Variants in SLCO3A1 observed in about 807,000 individuals in gnomAD.
SLCO3A1 encodes solute carrier organic anion transporter family member 3A1, also known as PGE1 transporter.
SLCO3A1 carries 27 observed loss-of-function variants against 63.1 expected under a neutral mutation model. That is an observed-to-expected ratio of 0.43 (90% CI 0.32 to 0.59). SLCO3A1 has a LOEUF of 0.59. SLCO3A1 is among the 20% of genes least tolerant of loss of function. SLCO3A1 has a pLI of 0.09. For synonymous variants in SLCO3A1, 473 were observed against 409.9 expected (o/e 1.15, Z -1.86); for missense variants, 773 against 945.8 (o/e 0.82, Z 2.40).
At chr15:92,126,337 A>G (rs2047923077) in intron 6 of SLCO3A1, 78 bp downstream of exon 6, 2 of 1,250,776 alleles carry the variant, frequency 1.6e-6, no homozygotes, top group South Asian at 2.5e-5. Context: ...GGTTGAGGGA[A>G]CCAGCTTTGT....
In SLCO3A1 at chr15:91,967,600, C is replaced by T. The variant is rs1211218038; in HGVS notation, c.646+51142C>T. On this transcript the variant is annotated intron_variant, in intron 2 of 9. Coordinates refer to ENST00000318445, the MANE Select transcript of SLCO3A1 (RefSeq NM_013272.4). This position sits in a 1 kb window ranked among gnomAD's most constrained non-coding sequence, Gnocchi z 4.4. ...CAATATGGATAAGACACCTATTACACAGATAATCCCATATGAAATAAATTA... is the reference window on the plus strand; with the variant it reads ...CAATATGGATAAGACACCTATTACATAGATAATCCCATATGAAATAAATTA... Among the ~76,000 whole-genome samples the T allele has an allele frequency of 6.6e-6, 1 of 152,214 alleles. No homozygotes were observed. Among genetic ancestry groups the T allele is most frequent in the East Asian group, 1.9e-4 (1 of 5,190 alleles).
At chr15:91,999,693 G>C (rs1202216385) in intron 2 of SLCO3A1, among the ~76,000 whole-genome samples, 1 of 152,214 alleles carries the variant, frequency 6.6e-6, no homozygotes, top group African/African-American at 2.4e-5. Flanking sequence ...TCGGGAGGCC[G>C]AGGCAGGAGG....
At chr15:91,996,815 T>C (rs2046197638) in intron 2 of SLCO3A1, among the ~76,000 whole-genome samples, 1 of 152,180 alleles carries the variant, frequency 6.6e-6, no homozygotes, top group African/African-American at 2.4e-5. Context: ...AGATCCCTAC[T>C]GCATACCACA....
intron 4 of SLCO3A1, among the ~76,000 whole-genome samples, chr15:92,119,456 G>A (rs1442783506): frequency 6.6e-6 from 1 of 152,190 alleles, no homozygotes; most frequent in Non-Finnish European, 1.5e-5. Flanking sequence ...GAAGCCCTGA[G>A]CACCAGGACT....
intron 2 of SLCO3A1, among the ~76,000 whole-genome samples, chr15:92,009,224 C>T (rs930706153): frequency 2.6e-5 from 4 of 152,204 alleles, no homozygotes; most frequent in African/African-American, 9.7e-5. Context: ...CACTCACCAT[C>T]AGAATATTTT....
intron 2 of SLCO3A1, among the ~76,000 whole-genome samples, chr15:92,011,130 G>A (rs989942888): frequency 2.0e-5 from 3 of 152,266 alleles, no homozygotes; most frequent in Middle Eastern, 3.4e-3. Flanking sequence ...TAGCAACCCC[G>A]GACATCTTGG....
At chr15:92,121,804 A>G (rs563330211) in intron 5 of SLCO3A1, among the ~76,000 whole-genome samples, 1 of 152,374 alleles carries the variant, frequency 6.6e-6, no homozygotes, top group South Asian at 2.1e-4. Context: ...CAAGGGTGAG[A>G]TGATTCCAAG....
intron 7 of SLCO3A1, among the ~76,000 whole-genome samples, chr15:92,131,290 C>T (rs1427362258): frequency 3.9e-5 from 6 of 151,918 alleles, no homozygotes; most frequent in East Asian, 1.9e-4. Flanking sequence ...ACTTCTCATT[C>T]GAGACATTTA....
intron 2 of SLCO3A1, among the ~76,000 whole-genome samples, chr15:91,981,189 G>A (rs919692740): frequency 6.4e-4 from 97 of 152,208 alleles, no homozygotes; most frequent in African/African-American, 2.2e-3. Context: ...CTGGCCTTCC[G>A]GCTGCCATGG....
At chr15:92,058,353 T>C (rs948261373) in intron 2 of SLCO3A1, among the ~76,000 whole-genome samples, 2 of 152,130 alleles carry the variant, frequency 1.3e-5, no homozygotes, top group African/African-American at 2.4e-5. Context: ...ATGGGGTTCA[T>C]TATTGAGTTT....
intron 10 of SLCO3A1, chr15:92,171,774 C>G (rs1241218615): frequency 6.5e-7 from 1 of 1,548,658 alleles, no homozygotes; most frequent in Non-Finnish European, 8.7e-7. Context: ...CCTCCTCCCC[C>G]TTTAGGCACA....
At chr15:91,938,989 T>C (rs776201071) in intron 2 of SLCO3A1, among the ~76,000 whole-genome samples, 2 of 152,184 alleles carry the variant, frequency 1.3e-5, no homozygotes, top group Non-Finnish European at 2.9e-5. Context: ...TCTGGGCCTG[T>C]CCCCTGCTCT....
intron 7 of SLCO3A1, 80 bp from the exon 8 acceptor site, chr15:92,146,904 A>T (rs965117313): frequency 7.6e-7 from 1 of 1,321,468 alleles, no homozygotes; most frequent in Admixed American, 2.3e-5. Context: ...TTAGGCTGTG[A>T]CAGATTCAGC....
chr15:91,899,065 T>C (rs1391096201), intron 1 of SLCO3A1, among the ~76,000 whole-genome samples: 1 of 151,954 alleles, frequency 6.6e-6, no homozygotes, highest in Non-Finnish European at 1.5e-5. Flanking sequence ...TTGGAGAGAG[T>C]CATCAATGAG....
intron 2 of SLCO3A1, among the ~76,000 whole-genome samples, chr15:91,931,413 T>C (rs551715846): frequency 6.6e-6 from 1 of 151,708 alleles, no homozygotes; most frequent in African/African-American, 2.4e-5. Context: ...TGCTGTCAGG[T>C]AGCCCCTCCT....
intron 9 of SLCO3A1, among the ~76,000 whole-genome samples, chr15:92,158,117 G>A (rs541861857): frequency 1.9e-4 from 29 of 152,208 alleles, no homozygotes; most frequent in East Asian, 9.7e-4. Context: ...GGTGTCCAGC[G>A]AAATACTGAG....
At chr15:91,913,180 G>A (rs1898537901) in intron 1 of SLCO3A1, among the ~76,000 whole-genome samples, 1 of 152,222 alleles carries the variant, frequency 6.6e-6, no homozygotes, top group African/African-American at 2.4e-5. Context: ...CATAACTAGG[G>A]CTGAGTGATC....
chr15:92,119,486 G>T (rs1015917958), intron 4 of SLCO3A1, among the ~76,000 whole-genome samples: 1 of 152,184 alleles, frequency 6.6e-6, no homozygotes, highest in African/African-American at 2.4e-5. Context: ...GCTTCTTCTA[G>T]GGTAGACTGG....
chr15:92,164,906 C>T lies in SLCO3A1; in HGVS notation c.*1771C>T, dbSNP rs1277800896. The T allele has an allele frequency of 1.0e-6, 1 of 985,292 alleles. No homozygotes were observed. 61.0% of individuals were successfully genotyped at this position (985,292 alleles called of 1,614,324 possible). On this transcript the variant is annotated 3_prime_UTR_variant, in exon 10 of 10. Transcript: ENST00000318445. ...CAAAGGGCCCTGCTAACTTACTCCT[C>T]ATGCTGCTTCAGTGACCTTTGTTCA... is the stretch of plus-strand genomic sequence containing the variant.
Sources: allele counts gnomAD v4.1 joint callset (sites outside exome capture counted in the v4.1 genomes callset), GRCh38; gene constraint gnomAD v4.1.1; non-coding constraint Gnocchi (gnomAD v3.1); transcripts MANE v1.5; gene names NCBI Gene and HGNC (gene_info 2026-07-23, HGNC 2026-07-21).